Variants in RANBP9 observed in about 807,000 individuals in gnomAD.
The protein encoded by RANBP9 is RAN binding protein 9, also known as ran-binding protein 9.
RANBP9 carries 15 observed loss-of-function variants against 84.3 expected under a neutral mutation model. That is an observed-to-expected ratio of 0.18 (90% CI 0.12 to 0.27). RANBP9 has a LOEUF of 0.27. Among genes scored for constraint, RANBP9 ranks in the 10% least tolerant of loss-of-function variants. RANBP9 has a pLI of 1.00. For synonymous variants in RANBP9, 392 were observed against 349.6 expected, an observed-to-expected ratio of 1.12 and a Z score of -1.35; for missense variants, 809 against 912.8, an observed-to-expected ratio of 0.89 and a Z score of 1.46.
chr6:13,633,611 G>A (rs1467781530), intron 11 of RANBP9, among the ~76,000 whole-genome samples: 1 of 152,150 alleles, frequency 6.6e-6, no homozygotes, highest in Non-Finnish European at 1.5e-5. Context: ...TCAAATCTAT[G>A]TAATCTGGCT....
At chr6:13,652,826 TA>T in intron 4 of RANBP9, 145 bp from the exon 5 acceptor site, 2 of 656,632 alleles carry the variant, frequency 3.0e-6, no homozygotes, top group Non-Finnish European at 5.2e-6. Context: ...GACTAATTTT[TA>T]ATCAATAATA....
chr6:13,633,546 C>A (rs1264422304), intron 11 of RANBP9, among the ~76,000 whole-genome samples: 1 of 152,106 alleles, frequency 6.6e-6, no homozygotes, highest in African/African-American at 2.4e-5. Context: ...AGACACAGAG[C>A]AGTTAAGTAA....
chr6:13,653,935 A>C (rs903086749), intron 4 of RANBP9, among the ~76,000 whole-genome samples: 2 of 152,104 alleles, frequency 1.3e-5, no homozygotes, highest in Non-Finnish European at 2.9e-5. Context: ...AAACTTTCCC[A>C]AAAATTTCAC....
chr6:13,697,277 A>C (rs1431390179), intron 1 of RANBP9, among the ~76,000 whole-genome samples: 2 of 152,216 alleles, frequency 1.3e-5, no homozygotes, highest in African/African-American at 4.8e-5. Context: ...CATATAACTT[A>C]TATAATTTCT....
chr6:13,687,973 G>GCAGCAGC (rs1766229113), intron 2 of RANBP9, among the ~76,000 whole-genome samples: 1 of 152,184 alleles, frequency 6.6e-6, no homozygotes, highest in African/African-American at 2.4e-5. Context: ...AGCAGCAGTG[G>GCAGCAGC]CAGCAGCCAG....
At chr6:13,696,299 A>G (rs56040637) in intron 2 of RANBP9, among the ~76,000 whole-genome samples, 3,796 of 152,294 alleles carry the variant, frequency 0.025, 70 homozygotes, top group Non-Finnish European at 0.036. Flanking sequence ...CCTACCATGG[A>G]ATTCTCATTT....
intron 1 of RANBP9, among the ~76,000 whole-genome samples, chr6:13,701,615 C>CA (rs1439807954): frequency 4.6e-5 from 7 of 151,756 alleles, no homozygotes; most frequent in Non-Finnish European, 8.8e-5. Context: ...ACTAAAAATA[C>CA]AAAAAGTGGC....
chr6:13,645,764 A>G, intron 5 of RANBP9, among the ~76,000 whole-genome samples: 1 of 152,184 alleles, frequency 6.6e-6, no homozygotes, highest in East Asian at 1.9e-4. Flanking sequence ...TTTATGTCTT[A>G]TATCTTTAAT....
rs150981301 is a variant in RANBP9, at chr6:13,656,573, C to T, written c.904+536G>A. On this transcript the variant is annotated intron_variant, in intron 4 of 13. Transcript: ENST00000011619. ...TTTATTTTCAGAAGTTTTTTATTCT[C>T]AGTTTTGTCACTGTTTGCTTGTTTA... Among the ~76,000 whole-genome samples, 508 of 152,208 alleles carry T rather than the reference C, an allele frequency of 3.3e-3. 2 individuals are homozygous for T. Among genetic ancestry groups the T allele is most frequent in the African/African-American group, 0.012 (494 of 41,534 alleles).
intron 1 of RANBP9, among the ~76,000 whole-genome samples, chr6:13,705,875 A>AAAAAAAAAAAAAG (rs1554107633): frequency 2.0e-5 from 3 of 150,072 alleles, no homozygotes; most frequent in Admixed American, 1.3e-4. Context: ...TCTCAAAAAA[A>AAAAAAAAAAAAAG]AAAAAAAAAA....
chr6:13,694,761 C>T (rs1195999809), intron 2 of RANBP9, among the ~76,000 whole-genome samples: 1 of 152,144 alleles, frequency 6.6e-6, no homozygotes, highest in Non-Finnish European at 1.5e-5. Flanking sequence ...GGAATCATTC[C>T]TTTGTCTAGC....
Position 13,642,463 on chromosome 6 carries a change from A to T in RANBP9, c.1225+16T>A, listed in dbSNP as rs1478773891. The T allele has an allele frequency of 7.1e-7, 1 of 1,408,052 alleles. No individual in the cohort carries two copies. Among genetic ancestry groups the T allele is most frequent in the South Asian group, 1.5e-5 (1 of 68,832 alleles). 87.2% of individuals were successfully genotyped at this position (1,408,052 alleles called of 1,614,324 possible). On this transcript the variant is annotated intron_variant, in intron 7 of 13. Transcript: ENST00000011619. ...ATCTGAAAACAAATGTTAGCCATGC[A>T]CCACAGTGTCCTTACTTTGTCTATT...
intron 2 of RANBP9, among the ~76,000 whole-genome samples, chr6:13,682,431 C>T (rs1766065750): frequency 6.8e-6 from 1 of 147,974 alleles, no homozygotes; most frequent in Non-Finnish European, 1.5e-5. Context: ...AAAAAACATA[C>T]AGTATTCAAT....
At chr6:13,700,605 G>T (rs570211676) in intron 1 of RANBP9, among the ~76,000 whole-genome samples, 5 of 152,212 alleles carry the variant, frequency 3.3e-5, no homozygotes, top group African/African-American at 1.2e-4. Context: ...ATAGCAACAT[G>T]TATCTCTCCT....
At chr6:13,676,290 A>T (rs1765884359) in intron 2 of RANBP9, among the ~76,000 whole-genome samples, 1 of 152,132 alleles carries the variant, frequency 6.6e-6, no homozygotes, top group Non-Finnish European at 1.5e-5. Context: ...ACATATACTC[A>T]GAAAAAAATA....
At chr6:13,663,475 T>C (rs1033040729) in intron 2 of RANBP9, among the ~76,000 whole-genome samples, 1 of 152,152 alleles carries the variant, frequency 6.6e-6, no homozygotes, top group Non-Finnish European at 1.5e-5. Flanking sequence ...GTAACATGTA[T>C]TGTGTAGTTT....
At chr6:13,688,982 C>CAAAAA in intron 2 of RANBP9, among the ~76,000 whole-genome samples, 1 of 29,950 alleles carries the variant, frequency 3.3e-5, no homozygotes, top group African/African-American at 1.0e-4. Context: ...CCCATCTCCA[C>CAAAAA]AAAAAAAAAA....
intron 1 of RANBP9, among the ~76,000 whole-genome samples, chr6:13,697,618 A>C (rs1757871432): frequency 6.6e-6 from 1 of 152,220 alleles, no homozygotes; most frequent in Admixed American, 6.5e-5. Flanking sequence ...TTCTAATCCC[A>C]CAGGGTTTGC....
At chr6:13,633,948 G>T (rs35720422) in intron 11 of RANBP9, among the ~76,000 whole-genome samples, 2 of 148,412 alleles carry the variant, frequency 1.3e-5, no homozygotes, top group African/African-American at 4.9e-5. Flanking sequence ...TGGTGGTGGG[G>T]TTTTTTTTTT....
Sources: allele counts gnomAD v4.1 joint callset (sites outside exome capture counted in the v4.1 genomes callset), GRCh38; gene constraint gnomAD v4.1.1; transcripts MANE v1.5; gene names NCBI Gene and HGNC (gene_info 2026-07-23, HGNC 2026-07-21).